Variants in ARFGEF2 observed in about 807,000 individuals in gnomAD.
The protein encoded by ARFGEF2 is ARF guanine nucleotide exchange factor 2, also known as brefeldin A-inhibited guanine nucleotide-exchange protein 2.
ARFGEF2 carries 74 observed loss-of-function variants against 219.9 expected under a neutral mutation model. The observed-to-expected ratio is 0.34, with a 90% CI of 0.28 to 0.41. ARFGEF2 has a LOEUF of 0.41. Among genes scored for constraint, ARFGEF2 ranks in the 10% least tolerant of loss-of-function variants. ARFGEF2 has a pLI of 1.00. For synonymous variants in ARFGEF2, 733 were observed against 799.2 expected, an observed-to-expected ratio of 0.92 and a Z score of 1.40; for missense variants, 1,743 against 2,218.3, an observed-to-expected ratio of 0.79 and a Z score of 4.30.
chr20:48,937,274 G>A (rs572223581), intron 1 of ARFGEF2, among the ~76,000 whole-genome samples: 207 of 152,290 alleles, frequency 1.4e-3, no homozygotes, highest in Middle Eastern at 0.01. Context: ...TGATCTGTCC[G>A]AAGAAAAGTT....
rs745325323 is a variant in ARFGEF2, at chr20:48,998,201, C to G, written c.3230C>G (p.Thr1077Ser). Residue 1077 changes from threonine (T) to serine (S), a missense_variant, in exon 24 of 39, where the codon ACT becomes AGT. By Grantham distance (58) the Thr-to-Ser change is moderately conservative (BLOSUM62 1). Transcript: ENST00000371917. ...SVVVAVDRIF[T>S]GSTRLDGNAI... ...TGGAATTATCTTCCTAGGATTTTTA[C>G]TGGGTCTACCAGACTGGATGGAAAT... 4 of 1,614,104 alleles carry G rather than the reference C, an allele frequency of 2.5e-6. No homozygotes were observed. Among genetic ancestry groups the G allele is most frequent in the Non-Finnish European group, 3.4e-6 (4 of 1,179,980 alleles).
intron 26 of ARFGEF2, among the ~76,000 whole-genome samples, chr20:49,008,294 G>A (rs896734266): frequency 6.6e-6 from 1 of 152,154 alleles, no homozygotes; most frequent in African/African-American, 2.4e-5. Flanking sequence ...CGGGTGTGGT[G>A]GCTCACACCT....
At chr20:48,977,986 A>G (rs1254637340) in intron 14 of ARFGEF2, among the ~76,000 whole-genome samples, 1 of 151,912 alleles carries the variant, frequency 6.6e-6, no homozygotes, top group Non-Finnish European at 1.5e-5. Flanking sequence ...GTTTAATTAG[A>G]TCCCATTTGT....
At position 48,941,844 on chromosome 20, in the gene ARFGEF2, C is replaced by G; in HGVS notation, c.153-20C>G. 1 of 1,614,186 alleles carries G rather than the reference C, an allele frequency of 6.2e-7. No individual in the cohort carries two copies. The highest frequency in any genetic ancestry group is 8.5e-7 in the Non-Finnish European group (1 of 1,180,014). On this transcript the variant is annotated intron_variant, in intron 2 of 38. Transcript: ENST00000371917. ...AGAAAATTCATTTCTTCTCCCGACC[C>G]TCTCTTGCTTTTCTCCTAGGCTTGG...
At chr20:49,006,884 T>G (rs73909773) in intron 26 of ARFGEF2, among the ~76,000 whole-genome samples, 6,965 of 143,642 alleles carry the variant, frequency 0.048, 491 homozygotes, top group African/African-American at 0.15. Flanking sequence ...GAGGTTTTTG[T>G]TTTTTTTTTT....
At chr20:49,022,535 G>A (rs891277267) in intron 34 of ARFGEF2, among the ~76,000 whole-genome samples, 2 of 152,204 alleles carry the variant, frequency 1.3e-5, no homozygotes, top group African/African-American at 4.8e-5. Flanking sequence ...GTCTTTAGGA[G>A]TAGCCCACTG....
At chr20:48,930,013 T>G (rs541021820) in intron 1 of ARFGEF2, among the ~76,000 whole-genome samples, 3 of 152,182 alleles carry the variant, frequency 2.0e-5, no homozygotes, top group Non-Finnish European at 4.4e-5. Context: ...TCAGAACATC[T>G]TAGGGGAAGA....
intron 8 of ARFGEF2, among the ~76,000 whole-genome samples, chr20:48,968,335 C>CT (rs202215033): frequency 2.6e-5 from 4 of 151,292 alleles, no homozygotes; most frequent in South Asian, 2.1e-4. Flanking sequence ...TGTAATTTAC[C>CT]TTTTTTTTAG....
intron 28 of ARFGEF2, 84 bp from the exon 29 acceptor site, chr20:49,013,480 G>C: frequency 6.4e-7 from 1 of 1,561,342 alleles, no homozygotes; most frequent in South Asian, 1.1e-5. Flanking sequence ...AAAATGTGTG[G>C]GGCCTTAATC....
rs748477785 is a variant in ARFGEF2 at position 48,953,784 on chromosome 20, C to T, written c.832C>T (p.Leu278=). 1 of 1,613,894 alleles carries T rather than the reference C, an allele frequency of 6.2e-7. No homozygotes were observed. Among genetic ancestry groups the T allele is most frequent in the Non-Finnish European group, 8.5e-7 (1 of 1,179,886 alleles). Residue 278 remains leucine, a synonymous_variant, in exon 6 of 39, where the codon CTG becomes TTG. Transcript: ENST00000371917. ...GDAPRERGSS[L]SGTDDGAQEV... The stretch of plus-strand genomic sequence containing the variant: ...CGCACCCAGAGAAAGAGGCTCATCA[C>T]TGTCAGGTACGGGCTGATACGGTAT...
At chr20:48,973,124 A>G in intron 11 of ARFGEF2, 21 bp from the exon 12 acceptor site, 1 of 1,613,954 alleles carries the variant, frequency 6.2e-7, no homozygotes, top group Non-Finnish European at 8.5e-7. Flanking sequence ...AATTTCTGAT[A>G]CTTGTATGTT....
At chr20:49,005,751 A>G (rs1160069802) in intron 26 of ARFGEF2, among the ~76,000 whole-genome samples, 2 of 151,022 alleles carry the variant, frequency 1.3e-5, no homozygotes, top group Admixed American at 1.3e-4. Flanking sequence ...AAAAAAAAAA[A>G]AAAAAAAGAA....
At chr20:48,990,530 GT>G (rs1229523068) in intron 20 of ARFGEF2, among the ~76,000 whole-genome samples, 1 of 152,110 alleles carries the variant, frequency 6.6e-6, no homozygotes, top group Non-Finnish European at 1.5e-5. Flanking sequence ...TCAATCTTCT[GT>G]TCCTATTCAT....
intron 26 of ARFGEF2, 92 bp downstream of exon 26, chr20:49,005,313 C>T: frequency 1.3e-6 from 2 of 1,503,964 alleles, no homozygotes; most frequent in Admixed American, 3.4e-5. Context: ...TAATTTTTTT[C>T]CTCCCTTGTC....
intron 25 of ARFGEF2, among the ~76,000 whole-genome samples, chr20:49,004,672 A>T (rs2091446844): frequency 6.6e-6 from 1 of 151,868 alleles, no homozygotes; most frequent in Admixed American, 6.6e-5. Context: ...GGCACCTGTA[A>T]TCCCAGCTAC....
At chr20:49,017,467 T>C in intron 32 of ARFGEF2, 29 bp from the exon 33 acceptor site, 1 of 1,601,872 alleles carries the variant, frequency 6.2e-7, no homozygotes, top group East Asian at 2.3e-5. Context: ...TTCACATTGA[T>C]TATTTTTTTT....
chr20:48,988,281 A>T, intron 16 of ARFGEF2, 23 bp from the exon 17 acceptor site: 2 of 1,581,288 alleles, frequency 1.3e-6, no homozygotes, highest in Non-Finnish European at 1.7e-6. Flanking sequence ...ATGAATATTG[A>T]TGTCTCGAAT....
chr20:48,970,096 CT>C (rs2091215416), intron 9 of ARFGEF2, among the ~76,000 whole-genome samples: 1 of 149,912 alleles, frequency 6.7e-6, no homozygotes, highest in Non-Finnish European at 1.5e-5. Context: ...GGGTGGATCA[CT>C]TGAGGCCAGG....
At chr20:48,938,766 C>T (rs1328478823) in intron 1 of ARFGEF2, among the ~76,000 whole-genome samples, 2 of 152,152 alleles carry the variant, frequency 1.3e-5, no homozygotes, top group African/African-American at 4.8e-5. Context: ...ATCAGAACAA[C>T]TAGCACCTGT....
Sources: allele counts gnomAD v4.1 joint callset (sites outside exome capture counted in the v4.1 genomes callset), GRCh38; gene constraint gnomAD v4.1.1; transcripts MANE v1.5; gene names NCBI Gene and HGNC (gene_info 2026-07-23, HGNC 2026-07-21).